Variants in HPSE2 observed in about 807,000 individuals in gnomAD.
HPSE2 encodes the protein inactive heparanase-2.
HPSE2 carries 38 observed loss-of-function variants against 60.5 expected under a neutral mutation model. That is an observed-to-expected ratio of 0.63 (90% CI 0.48 to 0.82). HPSE2 has a LOEUF of 0.82. HPSE2 is among the 40% of genes least tolerant of loss of function. The pLI, the probability that HPSE2 is intolerant of heterozygous loss-of-function variation, is 0.00. For missense variants in HPSE2, 713 were observed against 740.4 expected (o/e 0.96, Z 0.43); for synonymous variants, 295 against 293.2 (o/e 1.01, Z -0.06).
At chr10:98,530,200 G>T (rs924010443) in intron 9 of HPSE2, among the ~76,000 whole-genome samples, 2 of 152,158 alleles carry the variant, frequency 1.3e-5, no homozygotes, top group East Asian at 3.9e-4. Context: ...GTGGGGTGGG[G>T]TTTGCGCTCT....
intron 3 of HPSE2, among the ~76,000 whole-genome samples, chr10:99,004,654 A>G (rs1455310233): frequency 6.6e-6 from 1 of 152,198 alleles, no homozygotes; most frequent in Non-Finnish European, 1.5e-5. Context: ...TTTAACCTTC[A>G]TACTAAAGAT....
At chr10:99,094,532 ATATATATATTTTTTTTTTTTTTT>A (rs1430483382) in intron 3 of HPSE2, among the ~76,000 whole-genome samples, 36 of 17,654 alleles carry the variant, frequency 2.0e-3, no homozygotes, top group Non-Finnish European at 3.9e-3. Flanking sequence ...ATATATATAT[ATATATATATTTTTTTTTTTTTTT>A]TTTTTTTTTT....
chr10:98,641,768 G>A, intron 7 of HPSE2, 79 bp downstream of exon 7: 1 of 1,066,582 alleles, frequency 9.4e-7, no homozygotes, highest in African/African-American at 1.6e-5. Context: ...CAGTGCTGAT[G>A]CCCAGCTGGG....
chr10:98,667,111 A>G (rs527927750), intron 6 of HPSE2, among the ~76,000 whole-genome samples: 21 of 152,230 alleles, frequency 1.4e-4, no homozygotes, highest in African/African-American at 4.6e-4. Context: ...CAGAAATAGA[A>G]TAGAATAGAA....
chr10:98,760,221 G>A, intron 3 of HPSE2, among the ~76,000 whole-genome samples: 1 of 152,098 alleles, frequency 6.6e-6, no homozygotes, highest in African/African-American at 2.4e-5. Context: ...GATGTCATCT[G>A]TAAACAGACA....
chr10:99,035,338 T>C (rs1957586472), intron 3 of HPSE2, among the ~76,000 whole-genome samples: 1 of 152,158 alleles, frequency 6.6e-6, no homozygotes, highest in Admixed American at 6.6e-5. Context: ...CTACACAGGA[T>C]CAAGATCATC....
chr10:99,174,702 G>A (rs1211654017), intron 2 of HPSE2, among the ~76,000 whole-genome samples: 3 of 152,122 alleles, frequency 2.0e-5, no homozygotes, highest in East Asian at 1.9e-4. Flanking sequence ...CTAACCCCCG[G>A]TACCTGAGAA....
In HPSE2 at chr10:98,484,183, TCTTC is replaced by T. The variant is rs373885332; in HGVS notation, c.1467-1405_1467-1402del. 3.9e-4 allele frequency among the ~76,000 whole-genome samples: 59 copies of T among 152,104 alleles called. 1 individual carries two copies. Among genetic ancestry groups the T allele is most frequent in the African/African-American group, 5.8e-4 (24 of 41,514 alleles). ...TGTCCTTTGCCTGCCTGCCTTCCTT[TCTTC>T]CTTCCTTCCTTCCTTCTTTTTCTGT... On this transcript the variant is annotated intron_variant, in intron 10 of 11. Transcript: ENST00000370552.
intron 9 of HPSE2, among the ~76,000 whole-genome samples, chr10:98,590,900 G>T (rs1186964101): frequency 1.3e-5 from 2 of 152,062 alleles, no homozygotes; most frequent in Admixed American, 6.6e-5. Context: ...GAGATGGAAA[G>T]ATTTTTTTAA....
chr10:98,538,495 TC>T (rs1399820420), intron 9 of HPSE2, among the ~76,000 whole-genome samples: 1 of 152,142 alleles, frequency 6.6e-6, no homozygotes, highest in Non-Finnish European at 1.5e-5. Flanking sequence ...AGTTATTTAT[TC>T]CCTATGTCTA....
the HPSE2 span, among the ~76,000 whole-genome samples, chr10:99,295,242 G>A: frequency 1.3e-5 from 2 of 152,052 alleles, no homozygotes; most frequent in Non-Finnish European, 2.9e-5. Flanking sequence ...TAGAGAAATT[G>A]ACGTACCCAA....
intron 3 of HPSE2, among the ~76,000 whole-genome samples, chr10:99,097,395 A>T (rs191934121): frequency 6.6e-6 from 1 of 152,328 alleles, no homozygotes; most frequent in African/African-American, 2.4e-5. Context: ...GAATAATATT[A>T]AAAAATTTTA....
chr10:99,271,276 A>G, the HPSE2 span, among the ~76,000 whole-genome samples: 1 of 152,240 alleles, frequency 6.6e-6, no homozygotes, highest in Non-Finnish European at 1.5e-5. Context: ...CTAGTAAAGG[A>G]ATTCAGCAAA....
intron 2 of HPSE2, among the ~76,000 whole-genome samples, chr10:99,191,373 T>C (rs558785403): frequency 4.1e-4 from 62 of 151,874 alleles, no homozygotes; most frequent in Non-Finnish European, 6.5e-4. Context: ...ATAGTGGTGC[T>C]TAAGTCACCT....
At chr10:99,035,982 C>T (rs573984297) in intron 3 of HPSE2, among the ~76,000 whole-genome samples, 30 of 152,210 alleles carry the variant, frequency 2.0e-4, no homozygotes, top group African/African-American at 7.0e-4. Flanking sequence ...AAGGCCAATG[C>T]AGAAGATTAC....
intron 3 of HPSE2, among the ~76,000 whole-genome samples, chr10:98,831,921 G>A (rs1014126002): frequency 3.3e-5 from 5 of 152,136 alleles, no homozygotes; most frequent in Non-Finnish European, 4.4e-5. Context: ...TTTGACAGGC[G>A]AGTCCAATCC....
chr10:99,295,388 T>C, the HPSE2 span, among the ~76,000 whole-genome samples: 1 of 152,136 alleles, frequency 6.6e-6, no homozygotes, highest in East Asian at 1.9e-4. Context: ...GACTACTAAA[T>C]AACCACTGAT....
At chr10:98,676,917 CTCT>C (rs535430829) in intron 6 of HPSE2, among the ~76,000 whole-genome samples, 2,009 of 134,258 alleles carry the variant, frequency 0.015, 20 homozygotes, top group Non-Finnish European at 0.023. Flanking sequence ...TCCATTTTCT[CTCT>C]TTTTTTTTTT....
chr10:99,235,938 ACTCTCTCTCTCTCCCGCT>A (rs1325571656), upstream of HPSE2: 29 of 603,532 alleles, frequency 4.8e-5, no homozygotes, highest in Non-Finnish European at 7.9e-5. Flanking sequence ...ACACACACAC[ACTCTCTCTCTCTCCCGCT>A]CTCTCTCTCT....
Sources: gnomAD v4.1 joint callset for allele counts (sites outside exome capture counted in the v4.1 genomes callset) on GRCh38, gnomAD v4.1.1 for gene constraint, MANE v1.5 for transcripts, NCBI Gene and HGNC (gene_info 2026-07-23, HGNC 2026-07-21) for gene names.